TUBB8B: variants seen among roughly 807,000 people sequenced by gnomAD.
TUBB8B encodes tubulin beta 8B, also known as HSA18p11 beta-tubulin 4Q pseudogene.
Under a neutral mutation model 31.9 loss-of-function variants are expected in TUBB8B, and 26 were observed. The ratio of observed to expected loss-of-function variants is 0.81; its 90% CI spans 0.60 to 1.13. The LOEUF is 1.13. TUBB8B is among the 50% of genes most tolerant of loss of function. The pLI is 0.00. For missense variants in TUBB8B, 467 were observed against 586.7 expected (o/e 0.80, Z 2.11); for synonymous variants, 173 against 231.0 (o/e 0.75, Z 2.28).
intron 3 of TUBB8B, 73 bp downstream of exon 3, chr18:48,867 T>C (rs1459486671): frequency 9.4e-6 from 10 of 1,068,062 alleles, no homozygotes; most frequent in South Asian, 1.3e-5. Flanking sequence ...TCCCACAGGA[T>C]GACCTTGGGC....
the TUBB8B span, among the ~76,000 whole-genome samples, chr18:57,283 G>A: frequency 4.6e-5 from 7 of 151,656 alleles, no homozygotes; most frequent in South Asian, 8.4e-4. Flanking sequence ...CTATAAGCTT[G>A]TAAAATAAAA....
the TUBB8B span, among the ~76,000 whole-genome samples, chr18:59,318 C>T: frequency 0.61 from 92,717 of 150,884 alleles, 29,643 homozygotes; most frequent in East Asian, 0.98. Context: ...TGAATTACAG[C>T]GGTAAAAGTG....
the TUBB8B span, among the ~76,000 whole-genome samples, chr18:60,584 G>A: frequency 1.3e-5 from 2 of 151,496 alleles, no homozygotes; most frequent in Admixed American, 1.3e-4. Flanking sequence ...TTTTTATATA[G>A]GCACTTACAG....
intron 3 of TUBB8B, 143 bp downstream of exon 3, chr18:48,797 G>A (rs541210615): frequency 8.2e-6 from 6 of 729,064 alleles, no homozygotes; most frequent in Middle Eastern, 4.6e-4. Flanking sequence ...CATTTAGGAG[G>A]CAGATGAAGC....
chr18:65,397 C>T, the TUBB8B span, among the ~76,000 whole-genome samples: 1 of 152,116 alleles, frequency 6.6e-6, no homozygotes, highest in African/African-American at 2.4e-5. Context: ...ACATCCTTTT[C>T]TCAGAAAATC....
At chr18:70,470 T>C in the TUBB8B span, among the ~76,000 whole-genome samples, 1 of 149,968 alleles carries the variant, frequency 6.7e-6, no homozygotes, top group African/African-American at 2.5e-5. Flanking sequence ...CCACCTCTAC[T>C]AAAAACACAC....
chr18:68,339 C>T, the TUBB8B span, among the ~76,000 whole-genome samples: 1 of 152,200 alleles, frequency 6.6e-6, no homozygotes, highest in Non-Finnish European at 1.5e-5. Context: ...CACGTAACTC[C>T]CAAATCAGGA....
At chr18:51,454 T>G (rs1448068486), upstream of TUBB8B, among the ~76,000 whole-genome samples, 1 of 151,910 alleles carries the variant, frequency 6.6e-6, no homozygotes, top group Non-Finnish European at 1.5e-5. Context: ...ATTAATTTAT[T>G]TTTGAGACAG....
chr18:60,337 T>G, the TUBB8B span, among the ~76,000 whole-genome samples: 3 of 151,760 alleles, frequency 2.0e-5, no homozygotes, highest in Admixed American at 2.0e-4. Flanking sequence ...TTTTTCACCT[T>G]TGATTTTATT....
the TUBB8B span, among the ~76,000 whole-genome samples, chr18:61,691 T>C: frequency 2.0e-5 from 3 of 151,122 alleles, no homozygotes; most frequent in Non-Finnish European, 4.4e-5. Context: ...CAATTTAACA[T>C]TGATTGCATA....
At chr18:53,169 T>A (rs1906177569), upstream of TUBB8B, among the ~76,000 whole-genome samples, 2 of 151,848 alleles carry the variant, frequency 1.3e-5, no homozygotes, top group African/African-American at 4.8e-5. Flanking sequence ...ACCTAGCTAC[T>A]CATATTAAGA....
chr18:62,441 C>A, the TUBB8B span, among the ~76,000 whole-genome samples: 2 of 133,864 alleles, frequency 1.5e-5, no homozygotes, highest in East Asian at 4.5e-4. Flanking sequence ...TTTTTTTTGA[C>A]AGAGTCTCGC....
chr18:56,179 T>C, the TUBB8B span, among the ~76,000 whole-genome samples: 1 of 151,962 alleles, frequency 6.6e-6, no homozygotes, highest in South Asian at 2.1e-4. Context: ...TTTCATTCCA[T>C]TTGTCTTTAT....
At chr18:60,761 G>T in the TUBB8B span, among the ~76,000 whole-genome samples, 3 of 151,582 alleles carry the variant, frequency 2.0e-5, no homozygotes, top group Non-Finnish European at 2.9e-5. Context: ...CCAAGTGTTT[G>T]TATAGTTTCT....
the TUBB8B span, among the ~76,000 whole-genome samples, chr18:65,040 C>G: frequency 6.6e-6 from 1 of 152,118 alleles, no homozygotes; most frequent in African/African-American, 2.4e-5. Context: ...GTGGCTCACA[C>G]CTGAAATCCC....
chr18:52,296 C>T (rs552738704), upstream of TUBB8B, among the ~76,000 whole-genome samples: 14 of 151,714 alleles, frequency 9.2e-5, 1 homozygote, highest in Admixed American at 2.6e-4. Flanking sequence ...AAAACGGAGG[C>T]GGTGGGCAGA....
At chr18:67,392 G>A in the TUBB8B span, among the ~76,000 whole-genome samples, 1 of 152,136 alleles carries the variant, frequency 6.6e-6, no homozygotes. Flanking sequence ...ACCCAGGCTG[G>A]AATGCAGTGC....
the TUBB8B span, among the ~76,000 whole-genome samples, chr18:71,166 G>C: frequency 1.3e-5 from 2 of 151,822 alleles, no homozygotes; most frequent in African/African-American, 4.8e-5. Context: ...GGGAGGTTGA[G>C]GCTGCAGTGA....
the TUBB8B span, among the ~76,000 whole-genome samples, chr18:63,811 C>A: frequency 2.0e-5 from 3 of 147,872 alleles, no homozygotes; most frequent in African/African-American, 7.6e-5. Flanking sequence ...TAACCCTAAC[C>A]CCTAACCCTA....
Sources: gnomAD v4.1 joint callset for allele counts (sites outside exome capture counted in the v4.1 genomes callset) on GRCh38, gnomAD v4.1.1 for gene constraint, MANE v1.5 for transcripts, NCBI Gene and HGNC (gene_info 2026-07-23, HGNC 2026-07-21) for gene names.